The following EYS variants were observed in gnomAD, a reference collection of about 807,000 sequenced individuals.
EYS encodes the protein EGF-like photoreceptor maintenance factor, also known as protein eyes shut homolog.
Under a neutral mutation model 282.1 loss-of-function variants are expected in EYS, and 250 were observed. The ratio of observed to expected loss-of-function variants is 0.89; its 90% CI spans 0.80 to 0.98. The LOEUF is 0.98. Ranked by LOEUF, EYS falls within the 50% of genes least tolerant of loss-of-function variation. The pLI, the probability that EYS is intolerant of heterozygous loss-of-function variation, is 0.00. For synonymous variants in EYS, 1,355 were observed against 1,282.9 expected, an observed-to-expected ratio of 1.06 and a Z score of -1.20; for missense variants, 4,016 against 3,709.0, an observed-to-expected ratio of 1.08 and a Z score of -2.15.
chr6:64,988,648 A>T lies in EYS; in HGVS notation c.2259+8934T>A, dbSNP rs1288769140. ...TCAGCCTTGAGGATATAATAATTTT[A>T]AAAAATATTATAGAGCATAACCTCA... On this transcript the variant is annotated intron_variant, in intron 14 of 42. Transcript: ENST00000503581. 2.6e-5 allele frequency among the ~76,000 whole-genome samples: 4 copies of T among 151,516 alleles called. No individual in the cohort carries two copies. The East Asian group carries it at 5.8e-4, about 22-fold the overall frequency.
intron 1 of EYS, among the ~76,000 whole-genome samples, chr6:65,677,022 A>T (rs4710532): frequency 0.05 from 7,544 of 150,696 alleles, 430 homozygotes; most frequent in East Asian, 0.32. Flanking sequence ...TAAAAAAATT[A>T]AAAAAACTAG....
chr6:65,330,134 A>AC (rs1183691638), intron 11 of EYS: 2 of 981,842 alleles, frequency 2.0e-6, no homozygotes, highest in Admixed American at 1.2e-4. Flanking sequence ...TCTAAATGAA[A>AC]CAGAAGAACC....
At chr6:64,553,636 A>G (rs547715091) in intron 26 of EYS, among the ~76,000 whole-genome samples, 4 of 148,878 alleles carry the variant, frequency 2.7e-5, no homozygotes, top group African/African-American at 9.8e-5. Flanking sequence ...TTTAAATAGC[A>G]TAAGGTGCCT....
intron 35 of EYS, among the ~76,000 whole-genome samples, chr6:63,870,437 G>A (rs572575947): frequency 5.1e-4 from 78 of 152,282 alleles, no homozygotes; most frequent in African/African-American, 1.8e-3. Flanking sequence ...CCTTAAAAAT[G>A]AATAGTAGAT....
intron 1 of EYS, among the ~76,000 whole-genome samples, chr6:65,688,320 C>T (rs576757444): frequency 6.6e-6 from 1 of 152,268 alleles, no homozygotes; most frequent in East Asian, 1.9e-4. Context: ...CTGACAAAAA[C>T]AAGAAATGGG....
rs373742810 is a variant in EYS at position 64,023,471 on chromosome 6, T to C, written c.6726-24288A>G. 5.4e-4 allele frequency among the ~76,000 whole-genome samples: 82 copies of C among 152,382 alleles called. No homozygotes were observed. In the East Asian group the frequency reaches 0.012, roughly 23 times the overall value. The stretch of plus-strand genomic sequence containing the variant: ...CCATTTTACGCTGTACATGGTAAAA[T>C]GTACACTTATATTTTACACTTTACA... On this transcript the variant is annotated intron_variant, in intron 33 of 42. Transcript: ENST00000503581.
intron 31 of EYS, among the ~76,000 whole-genome samples, chr6:64,140,472 C>T (rs1056244217): frequency 2.0e-5 from 3 of 152,176 alleles, no homozygotes; most frequent in African/African-American, 7.2e-5. Flanking sequence ...CCACCTGCCT[C>T]TCATCCCAAG....
intron 35 of EYS, among the ~76,000 whole-genome samples, chr6:63,932,664 A>T (rs1249172518): frequency 1.3e-5 from 2 of 152,204 alleles, no homozygotes; most frequent in Non-Finnish European, 2.9e-5. Context: ...ATAGGAAAAA[A>T]ACTAAACAAG....
intron 1 of EYS, among the ~76,000 whole-genome samples, chr6:65,643,270 C>T (rs969541984): frequency 3.9e-5 from 6 of 152,104 alleles, no homozygotes; most frequent in African/African-American, 1.4e-4. Context: ...GACTTTCCCC[C>T]ACTTCTTTGG....
chr6:64,521,197 G>A (rs961686624), intron 26 of EYS, among the ~76,000 whole-genome samples: 2 of 151,808 alleles, frequency 1.3e-5, no homozygotes, highest in African/African-American at 4.8e-5. Context: ...CTTGTTACAA[G>A]AATACACTCT....
At chr6:64,538,511 A>T (rs1188955892) in intron 26 of EYS, among the ~76,000 whole-genome samples, 1 of 152,156 alleles carries the variant, frequency 6.6e-6, no homozygotes, top group African/African-American at 2.4e-5. Context: ...TATGCCCTTA[A>T]ATCATTTTCT....
intron 33 of EYS, among the ~76,000 whole-genome samples, chr6:64,044,866 A>G (rs941485196): frequency 3.3e-5 from 5 of 152,180 alleles, no homozygotes; most frequent in African/African-American, 9.7e-5. Flanking sequence ...CAGAGAGTAG[A>G]TATTACAAAC....
At chr6:64,018,591 T>C (rs1175989064) in intron 33 of EYS, among the ~76,000 whole-genome samples, 4 of 152,074 alleles carry the variant, frequency 2.6e-5, no homozygotes, top group African/African-American at 7.2e-5. Context: ...GTCTAGCATA[T>C]GGTAGAAAAA....
chr6:64,118,655 C>A (rs1773470079), intron 31 of EYS, among the ~76,000 whole-genome samples: 2 of 152,006 alleles, frequency 1.3e-5, no homozygotes, highest in Admixed American at 6.6e-5. Context: ...AGCTCAAAAG[C>A]ACAGGCAACA....
chr6:65,376,302 A>G (rs1369648016), intron 8 of EYS, among the ~76,000 whole-genome samples: 1 of 152,192 alleles, frequency 6.6e-6, no homozygotes, highest in African/African-American at 2.4e-5. Flanking sequence ...GGAGAAATAA[A>G]ATCCTTTACA....
chr6:65,365,607 G>A (rs1764887316), intron 8 of EYS, among the ~76,000 whole-genome samples: 2 of 151,630 alleles, frequency 1.3e-5, no homozygotes, highest in Non-Finnish European at 2.9e-5. Flanking sequence ...ATCATGGCCT[G>A]TCTTCCTCAA....
intron 1 of EYS, among the ~76,000 whole-genome samples, chr6:65,669,376 T>C (rs1197371640): frequency 1.3e-5 from 2 of 151,988 alleles, no homozygotes; most frequent in Non-Finnish European, 2.9e-5. Context: ...TTTAAAGGCA[T>C]CAGACTCTCT....
chr6:65,279,301 G>A (rs1476822942), intron 12 of EYS, among the ~76,000 whole-genome samples: 1 of 151,950 alleles, frequency 6.6e-6, no homozygotes, highest in East Asian at 1.9e-4. Flanking sequence ...CTTTCTCATA[G>A]TTATTTCCCT....
At chr6:64,455,314 A>T (rs537297195) in intron 26 of EYS, among the ~76,000 whole-genome samples, 3 of 152,212 alleles carry the variant, frequency 2.0e-5, no homozygotes, top group African/African-American at 7.2e-5. Flanking sequence ...CCTGCCTAGA[A>T]CCTTCAGAAA....
Sources: gnomAD v4.1 joint callset for allele counts (sites outside exome capture counted in the v4.1 genomes callset) on GRCh38, gnomAD v4.1.1 for gene constraint, MANE v1.5 for transcripts, NCBI Gene and HGNC (gene_info 2026-07-23, HGNC 2026-07-21) for gene names.